The following PDSS2 variants were observed in gnomAD, a reference collection of about 807,000 sequenced individuals.
The protein encoded by PDSS2 is all trans-polyprenyl-diphosphate synthase PDSS2.
In PDSS2, 31 loss-of-function variants were observed where a neutral mutation model predicts 44.5. The observed-to-expected ratio is 0.70, with a 90% CI of 0.52 to 0.94. The LOEUF is 0.94. Among genes scored for constraint, PDSS2 ranks in the 40% least tolerant of loss-of-function variants. The probability of loss-of-function intolerance (pLI) is 0.00; values close to 1 mark genes in which losing one functional copy is unlikely to be tolerated. For synonymous variants in PDSS2, 157 were observed against 180.3 expected (o/e 0.87, Z 1.03); for missense variants, 452 against 482.2 (o/e 0.94, Z 0.59).
At chr6:107,367,158 G>A (rs1316969271) in intron 1 of PDSS2, among the ~76,000 whole-genome samples, 1 of 152,118 alleles carries the variant, frequency 6.6e-6, no homozygotes, top group East Asian at 1.9e-4. Flanking sequence ...TCATCCCAGG[G>A]ATGCAAAATC....
At chr6:107,364,717 C>T (rs1018353642) in intron 1 of PDSS2, among the ~76,000 whole-genome samples, 75 of 151,706 alleles carry the variant, frequency 4.9e-4, no homozygotes, top group African/African-American at 1.6e-3. Context: ...GGCTGAAGGG[C>T]TCCTCAAATG....
intron 2 of PDSS2, among the ~76,000 whole-genome samples, chr6:107,278,435 T>A (rs1775860207): frequency 6.6e-6 from 1 of 152,244 alleles, no homozygotes; most frequent in Non-Finnish European, 1.5e-5. Flanking sequence ...TTTATTACTA[T>A]CCTGCGAATG....
intron 4 of PDSS2, among the ~76,000 whole-genome samples, chr6:107,229,160 A>G (rs985293472): frequency 2.6e-5 from 4 of 152,000 alleles, no homozygotes; most frequent in South Asian, 4.2e-4. Context: ...AACTCCAAGG[A>G]AAAAAAATAC....
chr6:107,221,086 T>C (rs1355899960), intron 4 of PDSS2, among the ~76,000 whole-genome samples: 1 of 152,218 alleles, frequency 6.6e-6, no homozygotes, highest in Non-Finnish European at 1.5e-5. Flanking sequence ...CTCACGCCTG[T>C]AATCCCAACA....
rs780611460 is a variant in PDSS2, at chr6:107,458,972, G to A, written c.296+18C>T. Reference sequence around the variant, plus strand: ...TTCCAATGAGTGCGAGTGTGTCAGCGGGAGAGGGGTAGCTCACCTGGCTGT... The same window carrying A: ...TTCCAATGAGTGCGAGTGTGTCAGCAGGAGAGGGGTAGCTCACCTGGCTGT... On this transcript the variant is annotated intron_variant, in intron 1 of 7. Coordinates refer to ENST00000369037, the MANE Select transcript of PDSS2 (RefSeq NM_020381.4). 7 of 1,612,580 alleles carry A rather than the reference G, an allele frequency of 4.3e-6. No homozygotes were observed. The highest frequency in any genetic ancestry group is 2.7e-5 in the African/African-American group (2 of 74,878).
chr6:107,413,860 A>T (rs1298125492), intron 1 of PDSS2, among the ~76,000 whole-genome samples: 2 of 152,162 alleles, frequency 1.3e-5, no homozygotes, highest in Non-Finnish European at 2.9e-5. Flanking sequence ...TAGGTAGGTG[A>T]GGTTAGGCTA....
chr6:107,221,215 G>A (rs1414358756), intron 4 of PDSS2, among the ~76,000 whole-genome samples: 6 of 151,654 alleles, frequency 4.0e-5, no homozygotes, highest in Admixed American at 6.6e-5. Flanking sequence ...AGTGGCGGGC[G>A]CCTGTAATCC....
chr6:107,458,979 G>A lies in PDSS2; in HGVS notation c.296+11C>T. ...GAGTGCGAGTGTGTCAGCGGGAGAG[G>A]GGTAGCTCACCTGGCTGTGGTAAGC... On this transcript the variant is annotated intron_variant, in intron 1 of 7. Transcript: ENST00000369037. The A allele has an allele frequency of 2.5e-6, 4 of 1,613,280 alleles. No homozygotes were observed. Among genetic ancestry groups the A allele is most frequent in the Non-Finnish European group, 3.4e-6 (4 of 1,179,300 alleles).
intron 6 of PDSS2, among the ~76,000 whole-genome samples, chr6:107,203,092 T>C (rs986761487): frequency 9.9e-5 from 15 of 152,114 alleles, no homozygotes; most frequent in Admixed American, 9.8e-4. Context: ...ATTAAGGAAA[T>C]CAGGCTAATA....
intron 1 of PDSS2, among the ~76,000 whole-genome samples, chr6:107,359,895 A>C (rs1778715783): frequency 1.3e-5 from 2 of 152,166 alleles, no homozygotes; most frequent in African/African-American, 4.8e-5. Flanking sequence ...CCTCTTGCCC[A>C]AGAAACCCTT....
At chr6:107,365,163 T>G (rs907422594) in intron 1 of PDSS2, among the ~76,000 whole-genome samples, 1 of 152,244 alleles carries the variant, frequency 6.6e-6, no homozygotes, top group East Asian at 1.9e-4. Flanking sequence ...ATAAAAGATA[T>G]GATTACATAA....
At chr6:107,264,147 T>C in intron 3 of PDSS2, 1 of 655,084 alleles carries the variant, frequency 1.5e-6, no homozygotes, top group South Asian at 7.1e-5. Flanking sequence ...AACATGAATT[T>C]GGAAGTAAAA....
chr6:107,400,954 G>A (rs1430011550), intron 1 of PDSS2, among the ~76,000 whole-genome samples: 2 of 152,144 alleles, frequency 1.3e-5, no homozygotes, highest in African/African-American at 4.8e-5. Flanking sequence ...ACTATAATGC[G>A]CTGAACTTCA....
chr6:107,316,398 C>T (rs1014611065), intron 2 of PDSS2, among the ~76,000 whole-genome samples: 5 of 151,860 alleles, frequency 3.3e-5, no homozygotes, highest in African/African-American at 4.8e-5. Context: ...AATTCTTTTG[C>T]TATGGTATCC....
At chr6:107,280,800 G>A (rs749889877) in intron 2 of PDSS2, among the ~76,000 whole-genome samples, 2 of 152,114 alleles carry the variant, frequency 1.3e-5, no homozygotes, top group East Asian at 1.9e-4. Context: ...GTTTTGCCAC[G>A]CAGACAAGGG....
intron 1 of PDSS2, among the ~76,000 whole-genome samples, chr6:107,434,278 A>G (rs888273822): frequency 1.3e-5 from 2 of 152,266 alleles, no homozygotes; most frequent in Admixed American, 1.3e-4. Flanking sequence ...AAAGGAAATC[A>G]GTATACTGAA....
chr6:107,417,824 C>T (rs1428444692), intron 1 of PDSS2, among the ~76,000 whole-genome samples: 7 of 150,350 alleles, frequency 4.7e-5, no homozygotes, highest in African/African-American at 1.7e-4. Context: ...CATATATACA[C>T]CTATCACAGC....
At chr6:107,242,477 C>T (rs1774472468) in intron 4 of PDSS2, among the ~76,000 whole-genome samples, 1 of 152,064 alleles carries the variant, frequency 6.6e-6, no homozygotes, top group Non-Finnish European at 1.5e-5. Flanking sequence ...ATCTCCCGAC[C>T]TCGTGATCCG....
chr6:107,282,692 C>G lies in PDSS2; in HGVS notation c.432-8465G>C, dbSNP rs12182753. Among the ~76,000 whole-genome samples, 657 of 151,374 alleles carry G rather than the reference C, an allele frequency of 4.3e-3. 6 individuals carry two copies. Among genetic ancestry groups the G allele is most frequent in the African/African-American group, 0.015 (633 of 41,258 alleles). On this transcript the variant is annotated intron_variant, in intron 2 of 7. Transcript: ENST00000369037. ...CATCCTGGCTAACAGGGTGAAACCC[C>G]GACTCTACTAAAAAAAAATACAAAA... is the stretch of plus-strand genomic sequence containing the variant.
Sources: allele counts gnomAD v4.1 joint callset (sites outside exome capture counted in the v4.1 genomes callset), GRCh38; gene constraint gnomAD v4.1.1; transcripts MANE v1.5; gene names NCBI Gene and HGNC (gene_info 2026-07-23, HGNC 2026-07-21).